The following RALGAPB variants were observed in gnomAD, a reference collection of about 807,000 sequenced individuals.
RALGAPB encodes the protein Ral GTPase activating protein non-catalytic subunit beta, also known as ral GTPase-activating protein subunit beta.
In RALGAPB, 25 loss-of-function variants were observed where a neutral mutation model predicts 161.1. The observed-to-expected ratio is 0.16, with a 90% CI of 0.11 to 0.22. The LOEUF (loss-of-function observed/expected upper bound fraction) is 0.22, where lower values mean the gene tolerates loss of function less well. Ranked by LOEUF, RALGAPB falls within the 10% of genes least tolerant of loss-of-function variation. The pLI is 1.00. For synonymous variants in RALGAPB, 629 were observed against 626.1 expected, an observed-to-expected ratio of 1.00 and a Z score of -0.07; for missense variants, 1,391 against 1,815.2, an observed-to-expected ratio of 0.77 and a Z score of 4.25.
intron 6 of RALGAPB, among the ~76,000 whole-genome samples, chr20:38,509,792 A>G (rs1159805015): frequency 6.6e-6 from 1 of 151,882 alleles, no homozygotes; most frequent in Non-Finnish European, 1.5e-5. Context: ...CTGATTCTTA[A>G]ATTTTTTCCT....
chr20:38,501,071 A>G (rs560095061), intron 5 of RALGAPB, among the ~76,000 whole-genome samples: 2 of 152,234 alleles, frequency 1.3e-5, no homozygotes, highest in African/African-American at 4.8e-5. Flanking sequence ...AGCTGCAGCA[A>G]GTGATCCAGA....
At chr20:38,498,079 A>AG (rs1389545344) in intron 4 of RALGAPB, among the ~76,000 whole-genome samples, 1 of 142,620 alleles carries the variant, frequency 7.0e-6, no homozygotes, top group Non-Finnish European at 1.6e-5. Context: ...CAAAAAAAAA[A>AG]AAAAAAGAAA....
At chr20:38,541,667 G>T (rs2086971331) in intron 18 of RALGAPB, among the ~76,000 whole-genome samples, 1 of 152,142 alleles carries the variant, frequency 6.6e-6, no homozygotes, top group Non-Finnish European at 1.5e-5. Context: ...GTCTGATTTA[G>T]TCACCACTAC....
At chr20:38,532,930 A>G (rs2086700488) in intron 15 of RALGAPB, 71 bp downstream of exon 15, 2 of 1,475,752 alleles carry the variant, frequency 1.4e-6, no homozygotes, top group Admixed American at 4.1e-5. Flanking sequence ...TAAAACAAAA[A>G]CATTAAAAAT....
intron 21 of RALGAPB, 44 bp from the exon 22 acceptor site, chr20:38,553,823 G>C (rs371382617): frequency 3.4e-5 from 32 of 934,204 alleles, no homozygotes; most frequent in Non-Finnish European, 4.9e-5. Context: ...GGCCTTACTA[G>C]TTTGATAATA....
rs1423587291 is a variant in RALGAPB, at chr20:38,577,555, T to A, written c.*2588T>A. ...AAGTTGCAGGAGGGAGCTTTTCTCC[T>A]CCCCTCTGGTTGGGAGCACTGAGGA... On this transcript the variant is annotated 3_prime_UTR_variant, in exon 30 of 30. Transcript: ENST00000262879. 1 of 152,146 alleles carries A rather than the reference T, an allele frequency of 6.6e-6. No homozygotes were observed. The highest frequency in any genetic ancestry group is 1.5e-5 in the Non-Finnish European group (1 of 68,040). The allele number at this position is 152,146 out of a possible 1,614,324, so 9.4% of individuals were successfully genotyped here.
intron 9 of RALGAPB, among the ~76,000 whole-genome samples, chr20:38,520,852 CT>C (rs1424399748): frequency 2.0e-5 from 3 of 152,140 alleles, no homozygotes; most frequent in African/African-American, 7.2e-5. Flanking sequence ...CCATGATAAT[CT>C]TTTTTATCAA....
At chr20:38,550,211 G>A (rs1056975851) in intron 20 of RALGAPB, among the ~76,000 whole-genome samples, 4 of 152,148 alleles carry the variant, frequency 2.6e-5, no homozygotes, top group African/African-American at 9.7e-5. Flanking sequence ...GAGTTAGTGG[G>A]TGCAGCGCAC....
intron 18 of RALGAPB, among the ~76,000 whole-genome samples, chr20:38,545,899 G>C (rs2087146586): frequency 6.6e-6 from 1 of 152,154 alleles, no homozygotes; most frequent in African/African-American, 2.4e-5. Context: ...AAGATTCTAA[G>C]ATATCAGATA....
At chr20:38,539,747 GT>G in intron 16 of RALGAPB, 28 bp from the exon 17 acceptor site, 11 of 1,603,100 alleles carry the variant, frequency 6.9e-6, no homozygotes, top group Non-Finnish European at 7.7e-6. Context: ...CTGGCTGATT[GT>G]TTTTGTTCTC....
rs772386056 is a variant in RALGAPB at position 38,570,028 on chromosome 20, A to G, written c.4063+32A>G. On this transcript the variant is annotated intron_variant, in intron 27 of 29. Coordinates refer to ENST00000262879, the MANE Select transcript of RALGAPB (RefSeq NM_020336.4). ...TATGAGGACTTTGTCCATAAATAAA[A>G]TGGCAATATATGACAGTGACTTGCT... 30 of 1,533,574 alleles carry G rather than the reference A, an allele frequency of 2.0e-5. No homozygotes were observed. In the South Asian group the frequency reaches 3.1e-4, roughly 16 times the overall value. 95.0% of individuals were successfully genotyped at this position (1,533,574 alleles called of 1,614,324 possible).
chr20:38,550,219 C>T (rs1237711091), intron 20 of RALGAPB, among the ~76,000 whole-genome samples: 2 of 152,088 alleles, frequency 1.3e-5, no homozygotes, highest in Non-Finnish European at 2.9e-5. Flanking sequence ...GGGTGCAGCG[C>T]ACCAGCATGT....
chr20:38,554,634 A>G (rs183655796), intron 22 of RALGAPB, among the ~76,000 whole-genome samples: 60 of 152,324 alleles, frequency 3.9e-4, no homozygotes, highest in Non-Finnish European at 8.1e-4. Flanking sequence ...CTCATCATCT[A>G]TAAAGTGAGG....
At chr20:38,553,795 AAAAAAAC>A in intron 21 of RALGAPB, 65 bp from the exon 22 acceptor site, 1 of 898,744 alleles carries the variant, frequency 1.1e-6, no homozygotes, top group Non-Finnish European at 1.6e-6. Context: ...AAAAAAAAAA[AAAAAAAC>A]ACTTAAGATT....
intron 18 of RALGAPB, among the ~76,000 whole-genome samples, chr20:38,543,563 CTTG>C (rs2087050398): frequency 6.6e-6 from 1 of 152,126 alleles, no homozygotes; most frequent in African/African-American, 2.4e-5. Flanking sequence ...TGTTTCCTTC[CTTG>C]TTGTCTAAAC....
intron 15 of RALGAPB, among the ~76,000 whole-genome samples, chr20:38,533,556 A>G (rs2086718458): frequency 6.6e-6 from 1 of 152,118 alleles, no homozygotes; most frequent in African/African-American, 2.4e-5. Context: ...TCCTTTAATC[A>G]TCTGGAGAGT....
chr20:38,539,886 C>T lies in RALGAPB; in HGVS notation c.2490C>T (p.His830=), dbSNP rs1322013726. The change falls in exon 17 of 30, where the codon CAC becomes CAT. Residue 830 remains histidine, a synonymous_variant. Coordinates refer to ENST00000262879, the MANE Select transcript of RALGAPB (RefSeq NM_020336.4). ...RPAPLHSRDL[H]SMIVAAFQCL... Reference sequence around the variant, plus strand: ...CTCCTTTACACTCCAGGGATCTGCACTCCATGATAGTGGCAGCTTTTCAGT... The same window carrying T: ...CTCCTTTACACTCCAGGGATCTGCATTCCATGATAGTGGCAGCTTTTCAGT... 2 of 1,614,136 alleles carry T rather than the reference C, an allele frequency of 1.2e-6. No homozygotes were observed. The highest frequency in any genetic ancestry group is 1.3e-5 in the African/African-American group (1 of 75,044).
intron 18 of RALGAPB, among the ~76,000 whole-genome samples, chr20:38,544,902 GT>G (rs2087111000): frequency 6.6e-6 from 1 of 151,884 alleles, no homozygotes; most frequent in Non-Finnish European, 1.5e-5. Context: ...AAATCCTTGA[GT>G]TTTTTTTCAC....
intron 1 of RALGAPB, among the ~76,000 whole-genome samples, chr20:38,482,188 G>A (rs560047683): frequency 1.3e-5 from 2 of 152,252 alleles, no homozygotes; most frequent in South Asian, 2.1e-4. Context: ...AAGAGAAAAT[G>A]TATTTACTAT....
Sources: gnomAD v4.1 joint callset for allele counts (sites outside exome capture counted in the v4.1 genomes callset) on GRCh38, gnomAD v4.1.1 for gene constraint, MANE v1.5 for transcripts, NCBI Gene and HGNC (gene_info 2026-07-23, HGNC 2026-07-21) for gene names.